FKBP15: variants seen among roughly 807,000 people sequenced by gnomAD.
FKBP15 encodes the protein FKBP prolyl isomerase family member 15, also known as FK506-binding protein 15.
In FKBP15, 106 loss-of-function variants were observed where a neutral mutation model predicts 158.1. The ratio of observed to expected loss-of-function variants is 0.67; its 90% CI spans 0.57 to 0.79. FKBP15 has a LOEUF of 0.79. Ranked by LOEUF, FKBP15 falls within the 30% of genes least tolerant of loss-of-function variation. The pLI is 0.00. For synonymous variants in FKBP15, 547 were observed against 548.6 expected (o/e 1.00, Z 0.04); for missense variants, 1,287 against 1,479.1 (o/e 0.87, Z 2.13).
Position 113,187,846 on chromosome 9 carries a change from C to T in FKBP15, c.1330G>A (p.Val444Met), listed in dbSNP as rs777528782. ...GCTGAGTGGGAATCGAGAGATGACACTTGCATTAAGGCAGCAGAAGGTGCC... is the reference window on the plus strand; with the variant it reads ...GCTGAGTGGGAATCGAGAGATGACATTTGCATTAAGGCAGCAGAAGGTGCC... The part of the protein sequence containing the change: ...LQAPSAALMQ[V>M]SSLDSHSAVS... Residue 444 changes from valine (V) to methionine (M), a missense_variant, in exon 14 of 28, where the codon GTG becomes ATG. By Grantham distance (21) the Val-to-Met change is conservative. Coordinates refer to ENST00000238256, the MANE Select transcript of FKBP15 (RefSeq NM_015258.2). 11 of 1,613,856 alleles carry T rather than the reference C, an allele frequency of 6.8e-6. No homozygotes were observed. The highest frequency in any genetic ancestry group is 1.1e-5 in the South Asian group (1 of 91,090).
chr9:113,185,431 G>A (rs1362682635), intron 15 of FKBP15, among the ~76,000 whole-genome samples: 3 of 152,186 alleles, frequency 2.0e-5, no homozygotes, highest in African/African-American at 4.8e-5. Context: ...ATCCCAGATG[G>A]AGAAGGGCAG....
chr9:113,183,817 A>G lies in FKBP15; in HGVS notation c.1745T>C (p.Leu582Pro), dbSNP rs1339617718. 2 of 1,613,328 alleles carry G rather than the reference A, an allele frequency of 1.2e-6. No homozygotes were observed. Among genetic ancestry groups the G allele is most frequent in the Admixed American group, 1.7e-5 (1 of 59,992 alleles). The change falls in exon 18 of 28, where the codon CTT becomes CCT. Residue 582 changes from leucine (L) to proline (P), a missense_variant. Physicochemically the swap from Leu to Pro is moderately conservative, Grantham distance 98 (BLOSUM62 -3). Coordinates refer to ENST00000238256, the MANE Select transcript of FKBP15 (RefSeq NM_015258.2). ...TTCTTCTATCCGATTGCTCTTTTCA[A>G]GGATCTCTTGCTTCAATCTTTCATT... is the stretch of plus-strand genomic sequence containing the variant. ...QENERLKQEI[L>P]EKSNRIEEQN...
At chr9:113,177,696 ATT>A (rs749577611) in intron 20 of FKBP15, among the ~76,000 whole-genome samples, 12 of 152,194 alleles carry the variant, frequency 7.9e-5, no homozygotes, top group Non-Finnish European at 1.3e-4. Flanking sequence ...AATTGACATC[ATT>A]GTTTTTTAGT....
At chr9:113,178,944 A>G (rs956599231) in intron 19 of FKBP15, 143 bp from the exon 20 acceptor site, 31 of 695,110 alleles carry the variant, frequency 4.5e-5, no homozygotes, top group Non-Finnish European at 3.0e-5. Context: ...ACCAAATTCA[A>G]ATTATGGGGT....
chr9:113,191,894 G>A (rs1339179952), intron 11 of FKBP15, among the ~76,000 whole-genome samples: 1 of 151,370 alleles, frequency 6.6e-6, no homozygotes, highest in Non-Finnish European at 1.5e-5. Flanking sequence ...TTGTTATATT[G>A]TTTTGATAAC....
rs780102904 is a variant in FKBP15 at position 113,162,630 on chromosome 9, A to C, written c.*3448T>G. The C allele has an allele frequency of 1.1e-6, 1 of 926,352 alleles. No individual in the cohort carries two copies. Among genetic ancestry groups the C allele is most frequent in the Non-Finnish European group, 1.6e-6 (1 of 614,716 alleles). 57.4% of individuals were successfully genotyped at this position (926,352 alleles called of 1,614,324 possible). ...AAGAAATCACTCCTGGGTTAAGCAT[A>C]CAAGTTATAAATCAATCGGGTCACG... On this transcript the variant is annotated 3_prime_UTR_variant, in exon 28 of 28. Coordinates refer to ENST00000238256, the MANE Select transcript of FKBP15 (RefSeq NM_015258.2).
At position 113,166,172 on chromosome 9, in the gene FKBP15, G is replaced by A; in HGVS notation, c.3583-17C>T. On this transcript the variant is annotated splice_polypyrimidine_tract_variant and intron_variant, in intron 27 of 27. Transcript: ENST00000238256. ...CTTCATGCTCTGATAAAACAGGAAAGAGCAGTCAGTCCTCACTTGTGCCTG... is the reference window on the plus strand; with the variant it reads ...CTTCATGCTCTGATAAAACAGGAAAAAGCAGTCAGTCCTCACTTGTGCCTG... The A allele has an allele frequency of 6.2e-7, 1 of 1,605,960 alleles. No individual in the cohort carries two copies.
rs780157488 is a variant in FKBP15 at position 113,193,492 on chromosome 9, T to C, written c.1065A>G (p.Thr355=). The C allele has an allele frequency of 1.3e-6, 2 of 1,591,480 alleles. No homozygotes were observed. The highest frequency in any genetic ancestry group is 1.3e-5 in the African/African-American group (1 of 74,752). Residue 355 remains threonine (T), a splice_region_variant and synonymous_variant, in exon 11 of 28, where the codon ACA becomes ACG. Transcript: ENST00000238256. ...NSLSEQLAIN[T]SPDAVKAKLI... ...GCCTGGCCAAGACTCTTATACTTAC[T>C]GTATTTATTGCAAGTTGTTCACTGA... is the stretch of plus-strand genomic sequence containing the variant.
chr9:113,180,852 A>G (rs1326818869), intron 19 of FKBP15, among the ~76,000 whole-genome samples: 1 of 152,160 alleles, frequency 6.6e-6, no homozygotes, highest in African/African-American at 2.4e-5. Context: ...GTGAAAAATA[A>G]TTTCATTTAC....
In FKBP15 at chr9:113,165,915, G is replaced by GT; in HGVS notation, c.*162dup. 3.5e-6 allele frequency: 2 copies of GT among 573,052 alleles called. No homozygotes were observed. The highest frequency in any genetic ancestry group is 6.2e-6 in the Non-Finnish European group (2 of 321,624). The allele number at this position is 573,052 out of a possible 1,614,324, so 35.5% of individuals were successfully genotyped here. On this transcript the variant is annotated 3_prime_UTR_variant, in exon 28 of 28. Coordinates refer to ENST00000238256, the MANE Select transcript of FKBP15 (RefSeq NM_015258.2). The stretch of plus-strand genomic sequence containing the variant: ...ATCCTCTTCACCAGGTCTGGCGGGG[G>GT]TGGGGCTCAGAAGGTGGCCAACCCA...
At position 113,184,562 on chromosome 9, in the gene FKBP15, AT is replaced by A; in HGVS notation, c.1608+132del. The A allele has an allele frequency of 1.1e-6, 1 of 923,160 alleles. No individual in the cohort carries two copies. Among genetic ancestry groups the A allele is most frequent in the Non-Finnish European group, 1.7e-6 (1 of 591,540 alleles). 57.2% of individuals were successfully genotyped at this position (923,160 alleles called of 1,614,324 possible). ...CTACTAACTGGATCCCAACATAATT[AT>A]AACTATCCTTGTAGGGAAATAACCT... On this transcript the variant is annotated intron_variant, in intron 16 of 27. Coordinates refer to ENST00000238256, the MANE Select transcript of FKBP15 (RefSeq NM_015258.2). The surrounding 1 kb of genome is among the most constrained non-coding windows in gnomAD (Gnocchi z 4.5).
At chr9:113,218,345 T>A (rs1247691441) in intron 1 of FKBP15, among the ~76,000 whole-genome samples, 1 of 145,502 alleles carries the variant, frequency 6.9e-6, no homozygotes, top group Non-Finnish European at 1.5e-5. Flanking sequence ...ATATAATAAT[T>A]AATAGTACCT....
At position 113,186,277 on chromosome 9, in the gene FKBP15, T is replaced by C. The variant is rs745724155; in HGVS notation, c.1470A>G (p.Ala490=). The C allele has an allele frequency of 5.4e-5, 84 of 1,567,392 alleles. No homozygotes were observed. In the South Asian group the frequency reaches 6.4e-4, roughly 12 times the overall value. Residue 490 remains alanine (A), a synonymous_variant, in exon 15 of 28, where the codon GCA becomes GCG. Transcript: ENST00000238256. ...QLQPVRPLYP[A]PLSQPPHFQG... The stretch of plus-strand genomic sequence containing the variant: ...GGAAATGGGGAGGCTGAGAGAGCGG[T>C]GCTGGGTACAAAGGCCGAACGGGCT...
intron 4 of FKBP15, among the ~76,000 whole-genome samples, chr9:113,204,322 C>T (rs1303709665): frequency 6.6e-6 from 1 of 152,250 alleles, no homozygotes; most frequent in East Asian, 1.9e-4. Flanking sequence ...TCAGCCTTGG[C>T]TTTCCAAAGT....
Position 113,207,275 on chromosome 9 carries a change from G to A in FKBP15, c.191C>T (p.Thr64Ile). ...AATGNQATPK[T>I]APATMSTPTI... ...GGGAGTGCTCATGGTGGCTGGTGCT[G>A]TTTTTGGTGTTGCCTGATTTCCTGA... Residue 64 changes from threonine (T) to isoleucine (I), a missense_variant, in exon 3 of 28, where the codon ACA becomes ATA. Thr to Ile is a moderately conservative substitution (Grantham distance 89, BLOSUM62 -1). Transcript: ENST00000238256. The A allele has an allele frequency of 1.9e-6, 3 of 1,611,448 alleles. No individual in the cohort carries two copies. Among genetic ancestry groups the A allele is most frequent in the Middle Eastern group, 1.7e-4 (1 of 6,050 alleles).
At chr9:113,196,910 A>G in intron 9 of FKBP15, 22 bp downstream of exon 9, 1 of 1,611,508 alleles carries the variant, frequency 6.2e-7, no homozygotes. Context: ...TCATCAAACA[A>G]AACACAGAGA....
intron 2 of FKBP15, among the ~76,000 whole-genome samples, chr9:113,207,745 C>T (rs536178354): frequency 2.0e-5 from 3 of 152,272 alleles, no homozygotes; most frequent in African/African-American, 7.2e-5. Flanking sequence ...CAAAGCAGCC[C>T]TATGATCTAG....
chr9:113,173,414 T>C (rs1830248215), intron 23 of FKBP15, 39 bp downstream of exon 23: 2 of 1,589,106 alleles, frequency 1.3e-6, no homozygotes, highest in Non-Finnish European at 1.7e-6. Flanking sequence ...TCAAATTAAC[T>C]GGGCTGCCTA....
chr9:113,212,722 A>G (rs755716161), intron 1 of FKBP15, among the ~76,000 whole-genome samples: 4 of 151,902 alleles, frequency 2.6e-5, no homozygotes, highest in Admixed American at 1.3e-4. Flanking sequence ...CTTCTTCTTC[A>G]TTTGCCCAAT....
Sources: allele counts gnomAD v4.1 joint callset (sites outside exome capture counted in the v4.1 genomes callset), GRCh38; gene constraint gnomAD v4.1.1; non-coding constraint Gnocchi (gnomAD v3.1); transcripts MANE v1.5; gene names NCBI Gene and HGNC (gene_info 2026-07-23, HGNC 2026-07-21).